The following TMEM131 variants were observed in gnomAD, a reference collection of about 807,000 sequenced individuals.
TMEM131 encodes 2610524E03Rik.
In TMEM131, 66 loss-of-function variants were observed where a neutral mutation model predicts 211.6. That is an observed-to-expected ratio of 0.31 (90% CI 0.26 to 0.38). TMEM131 has a LOEUF of 0.38. Among genes scored for constraint, TMEM131 ranks in the 10% least tolerant of loss-of-function variants. The probability of loss-of-function intolerance (pLI) is 1.00; values close to 1 mark genes in which losing one functional copy is unlikely to be tolerated. For synonymous variants in TMEM131, 844 were observed against 841.3 expected, an observed-to-expected ratio of 1.00 and a Z score of -0.06; for missense variants, 2,036 against 2,299.3, an observed-to-expected ratio of 0.89 and a Z score of 2.34.
At position 97,826,171 on chromosome 2, in the gene TMEM131, AGGT is replaced by A. The variant is rs1404627620; in HGVS notation, c.1074+7191_1074+7193del. 8.5e-5 allele frequency among the ~76,000 whole-genome samples: 13 copies of A among 152,358 alleles called. No homozygotes were observed. The South Asian group carries it at 2.1e-3, about 24-fold the overall frequency. On this transcript the variant is annotated intron_variant, in intron 11 of 40. Coordinates refer to ENST00000186436, the MANE Select transcript of TMEM131 (RefSeq NM_015348.2). ...TTGTGGAAAATGGGATATGAAGGGC[AGGT>A]TATGCCATAGTTAATGATGCAACCG...
At chr2:97,897,508 TCAAATAATTA>T (rs1675662866) in intron 3 of TMEM131, among the ~76,000 whole-genome samples, 1 of 152,136 alleles carries the variant, frequency 6.6e-6, no homozygotes, top group Non-Finnish European at 1.5e-5. Flanking sequence ...CTACATCTAT[TCAAATAATTA>T]CAAAGGCGTT....
chr2:97,875,342 T>C (rs915019869), intron 4 of TMEM131, among the ~76,000 whole-genome samples: 5 of 152,180 alleles, frequency 3.3e-5, no homozygotes, highest in African/African-American at 1.2e-4. Flanking sequence ...ATTCAGGACC[T>C]GAACTCAGCT....
At position 97,957,548 on chromosome 2, in the gene TMEM131, G is replaced by A. The variant is rs185322305; in HGVS notation, c.188-30061C>T. On this transcript the variant is annotated intron_variant, in intron 1 of 40. Transcript: ENST00000186436. Reference sequence around the variant, plus strand: ...ACAGAAAGTACCAGCTAACTCATAGGATGGGGAGAGGCAAGGTTATTTCAT... The same window carrying A: ...ACAGAAAGTACCAGCTAACTCATAGAATGGGGAGAGGCAAGGTTATTTCAT... Among the ~76,000 whole-genome samples the A allele has an allele frequency of 2.0e-5, 3 of 152,210 alleles. No homozygotes were observed. The East Asian group carries it at 5.8e-4, about 29-fold the overall frequency.
chr2:97,883,137 AGGT>A (rs905699613), intron 4 of TMEM131, among the ~76,000 whole-genome samples: 4 of 152,128 alleles, frequency 2.6e-5, no homozygotes, highest in African/African-American at 9.7e-5. Flanking sequence ...TTGTGAGATT[AGGT>A]CTGCGCTCCT....
At chr2:97,761,002 G>C in intron 36 of TMEM131, 88 bp from the exon 37 acceptor site, 1 of 1,552,726 alleles carries the variant, frequency 6.4e-7, no homozygotes, top group Non-Finnish European at 8.7e-7. Flanking sequence ...TGAGCCCTGA[G>C]TGGGCTTCTC....
chr2:97,833,793 G>T (rs767124391), intron 10 of TMEM131, among the ~76,000 whole-genome samples: 1 of 151,956 alleles, frequency 6.6e-6, no homozygotes, highest in Non-Finnish European at 1.5e-5. Context: ...GACTAGCTGG[G>T]ATTACAGGCA....
intron 1 of TMEM131, among the ~76,000 whole-genome samples, chr2:97,971,022 C>A (rs1319792887): frequency 6.6e-6 from 1 of 152,084 alleles, no homozygotes; most frequent in African/African-American, 2.4e-5. Flanking sequence ...TAACTTCTGG[C>A]TTAAATAAAC....
chr2:97,891,595 G>A (rs116273817), intron 3 of TMEM131, among the ~76,000 whole-genome samples: 4,225 of 152,214 alleles, frequency 0.028, 66 homozygotes, highest in Middle Eastern at 0.065. Flanking sequence ...AAGAAATCTT[G>A]TGGGAAATGG....
Position 97,976,343 on chromosome 2 carries a change from T to C in TMEM131, c.187+19133A>G, listed in dbSNP as rs138230831. ...AAGTCAGTTTAGCAAGATTACAGAATACAAGATCAACATAAAATTTACTTC... is the reference window on the plus strand; with the variant it reads ...AAGTCAGTTTAGCAAGATTACAGAACACAAGATCAACATAAAATTTACTTC... On this transcript the variant is annotated intron_variant, in intron 1 of 40. Coordinates refer to ENST00000186436, the MANE Select transcript of TMEM131 (RefSeq NM_015348.2). 3.9e-5 allele frequency among the ~76,000 whole-genome samples: 6 copies of C among 152,208 alleles called. No individual in the cohort carries two copies. The East Asian group carries it at 1.2e-3, about 29-fold the overall frequency.
chr2:97,814,655 T>G (rs1681730498), intron 13 of TMEM131, among the ~76,000 whole-genome samples: 1 of 152,190 alleles, frequency 6.6e-6, no homozygotes, highest in African/African-American at 2.4e-5. Flanking sequence ...CAAAAAAAGC[T>G]TTACTTTGAA....
chr2:97,964,555 TA>T lies in TMEM131; in HGVS notation c.187+30920del, dbSNP rs1315135944. The stretch of plus-strand genomic sequence containing the variant: ...TCTATTTTTATCATATCAAGCTTGT[TA>T]AACACACATTTGAAATATACGTCCT... On this transcript the variant is annotated intron_variant, in intron 1 of 40. Transcript: ENST00000186436. 2.0e-5 allele frequency among the ~76,000 whole-genome samples: 3 copies of T among 152,358 alleles called. No homozygotes were observed. In the East Asian group the frequency reaches 5.8e-4, roughly 29 times the overall value.
intron 4 of TMEM131, 90 bp downstream of exon 4, chr2:97,887,962 G>T: frequency 9.8e-7 from 1 of 1,015,586 alleles, no homozygotes; most frequent in Non-Finnish European, 1.5e-6. Context: ...TTCCCACATA[G>T]ATGTAACACA....
At chr2:97,760,540 C>G in intron 38 of TMEM131, 53 bp downstream of exon 38, 2 of 1,530,906 alleles carry the variant, frequency 1.3e-6, no homozygotes, top group Non-Finnish European at 1.8e-6. Context: ...AAGGTGCTAA[C>G]CCGACTTGAG....
Position 97,797,391 on chromosome 2 carries a change from T to C in TMEM131, c.2844A>G (p.Arg948=), listed in dbSNP as rs1198934439. 1 of 1,610,264 alleles carries C rather than the reference T, an allele frequency of 6.2e-7. No individual in the cohort carries two copies. Among genetic ancestry groups the C allele is most frequent in the Admixed American group, 1.7e-5 (1 of 59,602 alleles). ...VKVKFTPVHN[R]TVSSLIIVRN... ...TGACTATGATAAGTGAAGAAACAGT[T>C]CTGTTGTGAACTGGAGTAAACTTTA... The change falls in exon 26 of 41, where the codon AGA becomes AGG. Residue 948 remains arginine, a synonymous_variant. Coordinates refer to ENST00000186436, the MANE Select transcript of TMEM131 (RefSeq NM_015348.2).
At chr2:97,758,531 G>A (rs1033468886) in intron 40 of TMEM131, among the ~76,000 whole-genome samples, 13 of 152,318 alleles carry the variant, frequency 8.5e-5, no homozygotes, top group South Asian at 2.1e-4. Flanking sequence ...CACAGATGCC[G>A]AAGGCTTCCC....
At chr2:97,963,850 T>A (rs1678926130) in intron 1 of TMEM131, among the ~76,000 whole-genome samples, 1 of 152,264 alleles carries the variant, frequency 6.6e-6, no homozygotes, top group African/African-American at 2.4e-5. Context: ...CACATATTTT[T>A]AAAAGTTTTT....
intron 1 of TMEM131, among the ~76,000 whole-genome samples, chr2:97,978,665 C>T (rs894158007): frequency 1.3e-5 from 2 of 152,188 alleles, no homozygotes; most frequent in African/African-American, 4.8e-5. Context: ...ATACCCAGCC[C>T]AAGCTTCACT....
intron 3 of TMEM131, among the ~76,000 whole-genome samples, chr2:97,906,611 G>A (rs543063367): frequency 3.3e-5 from 5 of 152,168 alleles, no homozygotes; most frequent in Non-Finnish European, 7.3e-5. Context: ...ATCATACTAG[G>A]AGGAAGCCCA....
chr2:97,958,924 TG>T (rs1352050839), intron 1 of TMEM131, among the ~76,000 whole-genome samples: 1 of 151,738 alleles, frequency 6.6e-6, no homozygotes, highest in Non-Finnish European at 1.5e-5. Context: ...GCACTGACAG[TG>T]GAGGTTTATG....
Sources: allele counts gnomAD v4.1 joint callset (sites outside exome capture counted in the v4.1 genomes callset), GRCh38; gene constraint gnomAD v4.1.1; transcripts MANE v1.5; gene names NCBI Gene and HGNC (gene_info 2026-07-23, HGNC 2026-07-21).